Variants in CLK2 observed in about 807,000 individuals in gnomAD.
CLK2 encodes the protein CDC like kinase 2, also known as dual specificity protein kinase CLK2.
In CLK2, 12 loss-of-function variants were observed where a neutral mutation model predicts 73.5. The ratio of observed to expected loss-of-function variants is 0.16; its 90% confidence interval spans 0.10 to 0.26. CLK2 has a LOEUF of 0.26. CLK2 is among the 10% of genes least tolerant of loss of function. The pLI, the probability that CLK2 is intolerant of heterozygous loss-of-function variation, is 1.00. For synonymous variants in CLK2, 232 were observed against 237.9 expected (o/e 0.98, Z 0.23); for missense variants, 509 against 688.4 (o/e 0.74, Z 2.92).
Position 155,263,343 on chromosome 1 carries a change from T to C in CLK2, c.1375A>G (p.Met459Val). Reference sequence around the variant, plus strand: ...CGCTTAGCTGGTTCATACTCTAGCATGCTTTCAATCAGATCGAAGAGCTGG... The same window carrying C: ...CGCTTAGCTGGTTCATACTCTAGCACGCTTTCAATCAGATCGAAGAGCTGG... ...HHQLFDLIES[M>V]LEYEPAKRLT... is the part of the protein sequence containing the mutation. Residue 459 changes from methionine to valine, a missense_variant, in exon 13 of 13, where the codon ATG becomes GTG. Transcript: ENST00000368361. 1.9e-6 allele frequency: 3 copies of C among 1,614,218 alleles called. No homozygotes were observed. The highest frequency in any genetic ancestry group is 2.5e-6 in the Non-Finnish European group (3 of 1,180,046).
chr1:155,263,454 T>A, intron 12 of CLK2, 54 bp from the exon 13 acceptor site: 1 of 1,602,160 alleles, frequency 6.2e-7, no homozygotes. Flanking sequence ...AAACCCTGCC[T>A]TCTTCAAGAC....
At position 155,268,838 on chromosome 1, in the gene CLK2, G is replaced by C. The variant is rs770480302; in HGVS notation, c.400-43C>G. On this transcript the variant is annotated intron_variant, in intron 3 of 12. Coordinates refer to ENST00000368361, the MANE Select transcript of CLK2 (RefSeq NM_001294338.2). The surrounding 1 kb of genome is among the most constrained non-coding windows in gnomAD (Gnocchi z 5.6). The stretch of plus-strand genomic sequence containing the variant: ...GGGTCGGAGCAAGCCAGGTGTCGGA[G>C]CGGGGGCCGGAGGGAGGCGGGGTGG... 1 of 1,385,342 alleles carries C rather than the reference G, an allele frequency of 7.2e-7. No homozygotes were observed. The highest frequency in any genetic ancestry group is 1.0e-6 in the Non-Finnish European group (1 of 983,330). 85.8% of individuals were successfully genotyped at this position (1,385,342 alleles called of 1,614,324 possible). A position where few individuals can be genotyped will look rare whatever the true frequency, so the allele number is the denominator to read the frequency against.
chr1:155,269,346 T>G (rs1383005489), intron 3 of CLK2, 142 bp downstream of exon 3: 2 of 723,492 alleles, frequency 2.8e-6, no homozygotes, highest in Non-Finnish European at 2.3e-6. Context: ...TCGGAGAGCT[T>G]CCAAGAAAGT....
In CLK2 at chr1:155,264,047, G is replaced by A. The variant is rs1673114362; in HGVS notation, c.1227-7C>T. ...GTAAAAATATTTCTGCTTTCTAGAG[G>A]GGAAGGGGAGGTTGAGGAATCAGAA... On this transcript the variant is annotated splice_polypyrimidine_tract_variant and splice_region_variant and intron_variant, in intron 11 of 12. Transcript: ENST00000368361. 1.9e-6 allele frequency: 3 copies of A among 1,611,188 alleles called. No homozygotes were observed. The highest frequency in any genetic ancestry group is 2.7e-5 in the African/African-American group (2 of 74,846).
intron 1 of CLK2, among the ~76,000 whole-genome samples, chr1:155,272,804 T>C (rs940883924): frequency 2.3e-4 from 35 of 152,148 alleles, no homozygotes; most frequent in Non-Finnish European, 1.0e-4. Flanking sequence ...GTTTGAAATC[T>C]TTTGCTTTTT....
Position 155,264,235 on chromosome 1 carries a change from C to A in CLK2, c.1212G>T (p.Met404Ile). The part of the protein sequence containing the change: ...ERILGPIPSR[M>I]IRKTRKQKYF... Reference sequence around the variant, plus strand: ...TCAAGGTTCACCTTGTCTTTCGGATCATCCGGGAAGGGATAGGACCCAAGA... The same window carrying A: ...TCAAGGTTCACCTTGTCTTTCGGATAATCCGGGAAGGGATAGGACCCAAGA... Residue 404 changes from methionine (M) to isoleucine (I), a missense_variant, in exon 11 of 13, where the codon ATG (methionine) becomes ATT (isoleucine). By Grantham distance (10) the Met-to-Ile change is conservative (BLOSUM62 1). Transcript: ENST00000368361. 1 of 1,614,188 alleles carries A rather than the reference C, an allele frequency of 6.2e-7. No individual in the cohort carries two copies. Among genetic ancestry groups the A allele is most frequent in the South Asian group, 1.1e-5 (1 of 91,086 alleles).
chr1:155,272,927 T>C (rs1046654627), intron 1 of CLK2, among the ~76,000 whole-genome samples: 2 of 152,192 alleles, frequency 1.3e-5, no homozygotes, highest in Non-Finnish European at 2.9e-5. Context: ...GAGTCCAACT[T>C]TGATATTCCA....
chr1:155,270,771 T>A, intron 2 of CLK2, 37 bp downstream of exon 2: 1 of 1,582,974 alleles, frequency 6.3e-7, no homozygotes, highest in Non-Finnish European at 8.7e-7. Flanking sequence ...AATGAGCGAG[T>A]GACCCTGTGT....
Position 155,263,202 on chromosome 1 carries a change from GC to G in CLK2, c.*15del. On this transcript the variant is annotated 3_prime_UTR_variant, in exon 13 of 13. Coordinates refer to ENST00000368361, the MANE Select transcript of CLK2 (RefSeq NM_001294338.2). Reference sequence around the variant, plus strand: ...CCACTGCTATAAAAGATGCAGGGGGGCCCAGGGCCTGATCGTCACCGACTGA... The same window carrying G: ...CCACTGCTATAAAAGATGCAGGGGGGCCAGGGCCTGATCGTCACCGACTGA... 6.2e-7 allele frequency: 1 copy of G among 1,606,558 alleles called. No individual in the cohort carries two copies. The highest frequency in any genetic ancestry group is 8.5e-7 in the Non-Finnish European group (1 of 1,176,454).
Position 155,268,272 on chromosome 1 carries a change from T to C in CLK2, c.554+21A>G, listed in dbSNP as rs754856756. The stretch of plus-strand genomic sequence containing the variant: ...CAACCATCTCTTTAGCCCCACATAG[T>C]AGGGAGGGACTGACAGTTACCTGCG... On this transcript the variant is annotated intron_variant, in intron 5 of 12. Transcript: ENST00000368361. This position sits in a 1 kb window ranked among gnomAD's most constrained non-coding sequence, Gnocchi z 5.6. The C allele has an allele frequency of 5.0e-6, 8 of 1,612,286 alleles. No individual in the cohort carries two copies. In the Admixed American group the frequency reaches 1.3e-4, roughly 27 times the overall value.
chr1:155,268,906 A>C lies in CLK2; in HGVS notation c.400-111T>G. Reference sequence around the variant, plus strand: ...GGTCACAGGCGCCCAGCCAGGGGGGACAGACGATGATGGGGGACAGTGGAA... The same window carrying C: ...GGTCACAGGCGCCCAGCCAGGGGGGCCAGACGATGATGGGGGACAGTGGAA... On this transcript the variant is annotated intron_variant, in intron 3 of 12. Transcript: ENST00000368361. This position sits in a 1 kb window ranked among gnomAD's most constrained non-coding sequence, Gnocchi z 5.6. 1.4e-6 allele frequency: 1 copy of C among 694,562 alleles called. No homozygotes were observed. 43.0% of individuals were successfully genotyped at this position (694,562 alleles called of 1,614,324 possible).
At chr1:155,269,099 G>A (rs1208110935) in intron 3 of CLK2, 20 of 579,218 alleles carry the variant, frequency 3.5e-5, no homozygotes, top group Admixed American at 9.1e-5. Flanking sequence ...ATGCCCTTCC[G>A]GGCAGACACA....
chr1:155,264,572 A>G, intron 9 of CLK2, 22 bp from the exon 10 acceptor site: 1 of 1,614,224 alleles, frequency 6.2e-7, no homozygotes, highest in Non-Finnish European at 8.5e-7. Context: ...TGGGAGGGAA[A>G]AGGTGTTATG....
intron 2 of CLK2, 129 bp downstream of exon 2, chr1:155,270,679 T>A: frequency 9.4e-7 from 1 of 1,059,082 alleles, no homozygotes; most frequent in South Asian, 1.5e-5. Flanking sequence ...CTTCTTTGGT[T>A]ATCTATCCCG....
rs1215892686 is a variant in CLK2 at position 155,269,682 on chromosome 1, A to AT, written c.204_205insA (p.Tyr69IlefsTer2). ...TAGCTGCCACAGTATCGCCGGTCAT[A>AT]CACCCTCCGGTCGGACGAACGATCA... On this transcript the variant is annotated frameshift_variant, in exon 3 of 13. Transcript: ENST00000368361. LOFTEE classifies it high-confidence loss of function. 6.2e-7 allele frequency: 1 copy of AT among 1,614,108 alleles called. No homozygotes were observed. The highest frequency in any genetic ancestry group is 8.5e-7 in the Non-Finnish European group (1 of 1,180,050).
chr1:155,268,439 CA>C lies in CLK2; in HGVS notation c.488-81del. On this transcript the variant is annotated intron_variant, in intron 4 of 12. Transcript: ENST00000368361. The surrounding 1 kb of genome is among the most constrained non-coding windows in gnomAD (Gnocchi z 5.6). ...AGCTGAGTTGGAAGAAAAAAGGGGA[CA>C]GCAACCTGGGGTGGAGATGAAGGAA... 8.6e-7 allele frequency: 1 copy of C among 1,167,220 alleles called. No individual in the cohort carries two copies. Among genetic ancestry groups the C allele is most frequent in the Non-Finnish European group, 1.3e-6 (1 of 779,238 alleles). The allele number at this position is 1,167,220 out of a possible 1,614,324, so 72.3% of individuals were successfully genotyped here. A position where few individuals can be genotyped will look rare whatever the true frequency, so the allele number is the denominator to read the frequency against.
chr1:155,268,093 C>T lies in CLK2; in HGVS notation c.588G>A (p.Lys196=). Residue 196 remains lysine (K), a synonymous_variant, in exon 6 of 13, where the codon AAG becomes AAA. Coordinates refer to ENST00000368361, the MANE Select transcript of CLK2 (RefSeq NM_001294338.2). This position sits in a 1 kb window ranked among gnomAD's most constrained non-coding sequence, Gnocchi z 5.6. Reference sequence around the variant, plus strand: ...CTGCTTCCTTGTACTTCTCCACATTCTTAATGATCTTCAGGGCAACTCGAG... The same window carrying T: ...CTGCTTCCTTGTACTTCTCCACATTTTTAATGATCTTCAGGGCAACTCGAG... ...GGARVALKII[K]NVEKYKEAAR... is the part of the protein sequence containing the mutation. The T allele has an allele frequency of 6.2e-7, 1 of 1,614,182 alleles. No homozygotes were observed. The highest frequency in any genetic ancestry group is 8.5e-7 in the Non-Finnish European group (1 of 1,180,016).
intron 6 of CLK2, among the ~76,000 whole-genome samples, chr1:155,267,342 C>T (rs1288356019): frequency 1.3e-5 from 2 of 152,166 alleles, no homozygotes; most frequent in Non-Finnish European, 2.9e-5. Context: ...CCACCCGCCT[C>T]GGCCTCCAAA....
chr1:155,263,873 C>T (rs1442628107), intron 12 of CLK2, 77 bp downstream of exon 12: 2 of 1,448,768 alleles, frequency 1.4e-6, no homozygotes, highest in Non-Finnish European at 1.9e-6. Flanking sequence ...TTGTGAAGAG[C>T]ATTCCAGGGG....
Sources: allele counts gnomAD v4.1 joint callset (sites outside exome capture counted in the v4.1 genomes callset), GRCh38; gene constraint gnomAD v4.1.1; non-coding constraint Gnocchi (gnomAD v3.1); transcripts MANE v1.5; gene names NCBI Gene and HGNC (gene_info 2026-07-23, HGNC 2026-07-21).